The following DLGAP2 variants were observed in gnomAD, a reference collection of about 807,000 sequenced individuals.
DLGAP2 encodes the protein DLG associated protein 2.
In DLGAP2, 26 loss-of-function variants were observed where a neutral mutation model predicts 100.3. That is an observed-to-expected ratio of 0.26 (90% confidence interval 0.19 to 0.36). DLGAP2 has a LOEUF of 0.36. Among genes scored for constraint, DLGAP2 ranks in the 10% least tolerant of loss-of-function variants. The pLI is 1.00. For missense variants in DLGAP2, 1,858 were observed against 1,453.2 expected (o/e 1.28, Z -4.53); for synonymous variants, 886 against 630.1 (o/e 1.41, Z -6.08).
Position 1,331,734 on chromosome 8 carries a change from G to A in DLGAP2, c.106+72851G>A, listed in dbSNP as rs540408982. On this transcript the variant is annotated intron_variant, in intron 3 of 14. Transcript: ENST00000637795. ...GAAGGGTCCTTCCGACGTTTAAAAC[G>A]TGTCTTGTTTTGCTTATGGGCTGGG... is the stretch of plus-strand genomic sequence containing the variant. 9.2e-5 allele frequency among the ~76,000 whole-genome samples: 14 copies of A among 152,304 alleles called. No homozygotes were observed. In the South Asian group the frequency reaches 1.7e-3, roughly 18 times the overall value.
At chr8:1,391,331 C>T (rs11136388) in intron 3 of DLGAP2, among the ~76,000 whole-genome samples, 107,453 of 151,816 alleles carry the variant, frequency 0.71, 38,080 homozygotes, top group Admixed American at 0.72. Context: ...CCCTGCAGAA[C>T]GACCTGGCAG....
chr8:1,025,501 G>T (rs1474762928), intron 2 of DLGAP2, among the ~76,000 whole-genome samples: 4 of 152,194 alleles, frequency 2.6e-5, no homozygotes, highest in Non-Finnish European at 5.9e-5. Flanking sequence ...ACTAAAAGAA[G>T]CACAAAGAGT....
At chr8:1,282,234 C>G (rs113882225) in intron 3 of DLGAP2, among the ~76,000 whole-genome samples, 3,906 of 118,236 alleles carry the variant, frequency 0.033, 219 homozygotes, top group African/African-American at 0.1. Context: ...CCTGAACCAT[C>G]AGGACATGGT....
intron 1 of DLGAP2, among the ~76,000 whole-genome samples, chr8:870,259 G>C (rs1797572649): frequency 6.6e-6 from 1 of 152,184 alleles, no homozygotes; most frequent in South Asian, 2.1e-4. Flanking sequence ...CACTTAACAA[G>C]TGCGGTTATT....
Position 1,678,375 on chromosome 8 carries a change from C to T in DLGAP2, c.2450C>T (p.Ala817Val), listed in dbSNP as rs774180756. 9.3e-6 allele frequency: 15 copies of T among 1,614,000 alleles called. No individual in the cohort carries two copies. Among genetic ancestry groups the T allele is most frequent in the Middle Eastern group, 1.6e-4 (1 of 6,062 alleles). ...SEPSTPTQYSAVRTVRTQGLF... is the reference protein window; with the variant it reads ...SEPSTPTQYSVVRTVRTQGLF... ...CCCAGCACCCCCACCCAGTACAGCG[C>T]GGTGAGAACTGTACGGACCCAGGGG... The change falls in exon 12 of 15, where the codon GCG (alanine) becomes GTG (valine). Residue 817 changes from alanine (A) to valine (V), a missense_variant. Physicochemically the swap from Ala to Val is moderately conservative, Grantham distance 64. Coordinates refer to ENST00000637795, the MANE Select transcript of DLGAP2 (RefSeq NM_001346810.2).
chr8:1,307,427 T>C (rs1275101589), intron 3 of DLGAP2, among the ~76,000 whole-genome samples: 5 of 152,178 alleles, frequency 3.3e-5, no homozygotes, highest in Non-Finnish European at 7.3e-5. Context: ...GGTGAGAATA[T>C]AGAAAGATGT....
chr8:1,535,589 TG>T (rs1801131025), intron 4 of DLGAP2, among the ~76,000 whole-genome samples: 1 of 152,178 alleles, frequency 6.6e-6, no homozygotes, highest in South Asian at 2.1e-4. Context: ...GTAAGATGTG[TG>T]ATGGATTTGG....
rs186610260 is a variant in DLGAP2, at chr8:753,266, T to C, written c.18+15441T>C. Among the ~76,000 whole-genome samples, 44 of 152,262 alleles carry C rather than the reference T, an allele frequency of 2.9e-4. No homozygotes were observed. The East Asian group carries it at 8.5e-3, about 29-fold the overall frequency. ...TGCTCTGTATCACGGAACACAAACT[T>C]TACAAACGCGTCTTTGGAGGCTCAC... On this transcript the variant is annotated intron_variant, in intron 1 of 14. Transcript: ENST00000637795.
chr8:1,442,158 C>T (rs2130070789), intron 3 of DLGAP2, among the ~76,000 whole-genome samples: 1 of 152,270 alleles, frequency 6.6e-6, no homozygotes, highest in Middle Eastern at 3.4e-3. Context: ...GTGGGTTCAG[C>T]CACTGGAGGA....
chr8:1,379,549 T>C (rs1234089894), intron 3 of DLGAP2: 3 of 152,284 alleles, frequency 2.0e-5, no homozygotes, highest in Non-Finnish European at 2.9e-5. Flanking sequence ...AGGCGTCATA[T>C]TCAGTCTCTT....
intron 2 of DLGAP2, among the ~76,000 whole-genome samples, chr8:1,039,769 TGTG>T (rs1802262061): frequency 9.2e-6 from 1 of 108,890 alleles, no homozygotes; most frequent in East Asian, 3.4e-4. Context: ...GCTCGGTGTG[TGTG>T]GTTGGCTCGG....
intron 12 of DLGAP2, among the ~76,000 whole-genome samples, chr8:1,683,242 G>A (rs562315061): frequency 1.3e-5 from 2 of 151,630 alleles, no homozygotes; most frequent in Admixed American, 1.3e-4. Context: ...TGGAGAAGGT[G>A]GCACTGTGCT....
chr8:976,575 G>A (rs1478333269), intron 2 of DLGAP2, among the ~76,000 whole-genome samples: 1 of 152,126 alleles, frequency 6.6e-6, no homozygotes, highest in Non-Finnish European at 1.5e-5. Context: ...TTGCGCCACT[G>A]CTCTCCAGCC....
rs191794855 is a variant in DLGAP2 at position 1,053,530 on chromosome 8, G to T, written c.73+145564G>T. 1.3e-3 allele frequency among the ~76,000 whole-genome samples: 201 copies of T among 152,220 alleles called. 6 individuals carry two copies. The East Asian group carries it at 0.029, about 22-fold the overall frequency. On this transcript the variant is annotated intron_variant, in intron 2 of 14. Coordinates refer to ENST00000637795, the MANE Select transcript of DLGAP2 (RefSeq NM_001346810.2). ...TTTTGAAACCTGGGAAGTGAAATGT[G>T]TGCATGCAGCTGAAGAAGAGACAGA...
intron 3 of DLGAP2, among the ~76,000 whole-genome samples, chr8:1,422,261 C>G (rs192431068): frequency 1.4e-4 from 21 of 152,160 alleles, no homozygotes; most frequent in African/African-American, 4.6e-4. Flanking sequence ...GAAAAGATAC[C>G]AGAAGACCAG....
intron 2 of DLGAP2, among the ~76,000 whole-genome samples, chr8:1,219,672 A>G (rs61362293): frequency 0.079 from 12,030 of 152,026 alleles, 898 homozygotes; most frequent in African/African-American, 0.2. Context: ...ATTTTTTGGA[A>G]TAGTTTTGTT....
At chr8:896,304 T>G (rs1039019160) in intron 1 of DLGAP2, among the ~76,000 whole-genome samples, 3 of 151,532 alleles carry the variant, frequency 2.0e-5, no homozygotes, top group Non-Finnish European at 4.4e-5. Flanking sequence ...GGATGCAGGT[T>G]TGGAGGAGAG....
At chr8:1,171,478 T>C (rs1255342170) in intron 2 of DLGAP2, among the ~76,000 whole-genome samples, 2 of 151,776 alleles carry the variant, frequency 1.3e-5, no homozygotes, top group Non-Finnish European at 2.9e-5. Context: ...ATGGTGACAG[T>C]GGGGTATTAA....
chr8:1,051,279 G>A (rs889123254), intron 2 of DLGAP2, among the ~76,000 whole-genome samples: 5 of 152,092 alleles, frequency 3.3e-5, no homozygotes, highest in African/African-American at 1.2e-4. Context: ...CTCTCTGGAT[G>A]GAGCATTTTT....
Sources: gnomAD v4.1 joint callset for allele counts (sites outside exome capture counted in the v4.1 genomes callset) on GRCh38, gnomAD v4.1.1 for gene constraint, MANE v1.5 for transcripts, NCBI Gene and HGNC (gene_info 2026-07-23, HGNC 2026-07-21) for gene names.